Variants in TRIOBP observed in about 807,000 individuals in gnomAD.
The protein encoded by TRIOBP is TRIO and F-actin binding protein.
TRIOBP carries 169 observed loss-of-function variants against 238.8 expected under a neutral mutation model. The observed-to-expected ratio is 0.71, with a 90% CI of 0.62 to 0.80. The LOEUF (loss-of-function observed/expected upper bound fraction) is 0.80, where lower values mean the gene tolerates loss of function less well. Ranked by LOEUF, TRIOBP falls within the 30% of genes least tolerant of loss-of-function variation. TRIOBP has a pLI of 0.00. For missense variants in TRIOBP, 2,838 were observed against 3,122.6 expected, an observed-to-expected ratio of 0.91 and a Z score of 2.17; for synonymous variants, 1,150 against 1,274.4, an observed-to-expected ratio of 0.90 and a Z score of 2.08.
rs567335682 is a variant in TRIOBP, at chr22:37,703,036, G to A, written c.114+1557G>A. On this transcript the variant is annotated intron_variant, in intron 3 of 23. Transcript: ENST00000644935. ...ATTTGAGACGGAGTCTCTCTCTGTC[G>A]CCAGGCTAGAGTTCAGTGGCTCAAT... Among the ~76,000 whole-genome samples, 322 of 150,820 alleles carry A rather than the reference G, an allele frequency of 2.1e-3. 3 individuals carry two copies. In the South Asian group the frequency reaches 0.028, roughly 13 times the overall value.
At chr22:37,710,060 A>G (rs1300754373) in intron 3 of TRIOBP, among the ~76,000 whole-genome samples, 1 of 152,224 alleles carries the variant, frequency 6.6e-6, no homozygotes, top group African/African-American at 2.4e-5. Context: ...GCATGTATAC[A>G]TGAAGTTGCA....
At chr22:37,755,682 G>C (rs761085777) in intron 15 of TRIOBP, 23 bp downstream of exon 15, 4 of 1,610,194 alleles carry the variant, frequency 2.5e-6, no homozygotes, top group Non-Finnish European at 2.5e-6. Flanking sequence ...CTGGACTGGG[G>C]CCTTGAGGGA....
At chr22:37,755,944 TG>T (rs1925898117) in intron 15 of TRIOBP, among the ~76,000 whole-genome samples, 1 of 152,124 alleles carries the variant, frequency 6.6e-6, no homozygotes, top group African/African-American at 2.4e-5. Context: ...GTCTGTGCCG[TG>T]GGGGCCGTGT....
intron 6 of TRIOBP, among the ~76,000 whole-genome samples, chr22:37,721,748 TG>T (rs1419040558): frequency 6.6e-6 from 1 of 152,224 alleles, no homozygotes; most frequent in Non-Finnish European, 1.5e-5. Context: ...CTCAAAGTGC[TG>T]GGATTACAGG....
chr22:37,743,801 A>ATGTGTGTGTGTGTGTGTGTG (rs71195050), intron 11 of TRIOBP, among the ~76,000 whole-genome samples: 35 of 114,098 alleles, frequency 3.1e-4, no homozygotes, highest in African/African-American at 6.9e-4. Context: ...GAGAGAGAGA[A>ATGTGTGTGTGTGTGTGTGTG]TGTGTGTGTG....
rs143951029 is a variant in TRIOBP at position 37,733,058 on chromosome 22, C to T, written c.3948-240C>T. ...CCTCCCCACCCAACCGCCTCTACTCCCCACTTTTCTCGTCATGTTCGCAAG... is the reference window on the plus strand; with the variant it reads ...CCTCCCCACCCAACCGCCTCTACTCTCCACTTTTCTCGTCATGTTCGCAAG... On this transcript the variant is annotated intron_variant, in intron 7 of 23. Coordinates refer to ENST00000644935, the MANE Select transcript of TRIOBP (RefSeq NM_001039141.3). 7.1e-3 allele frequency among the ~76,000 whole-genome samples: 1,078 copies of T among 152,346 alleles called. 6 individuals are homozygous for T. The highest frequency in any genetic ancestry group is 0.011 in the Non-Finnish European group (744 of 68,034).
intron 8 of TRIOBP, among the ~76,000 whole-genome samples, chr22:37,733,910 G>A (rs1394762243): frequency 2.0e-5 from 3 of 152,102 alleles, no homozygotes; most frequent in Non-Finnish European, 2.9e-5. Flanking sequence ...CAAGTGATCC[G>A]CCCACCTTGG....
chr22:37,771,935 A>T (rs1262558983), intron 22 of TRIOBP, 199 bp downstream of exon 22: 2 of 691,420 alleles, frequency 2.9e-6, no homozygotes, highest in South Asian at 3.0e-5. Flanking sequence ...TGACTTCCCC[A>T]AGGCTGTACT....
In TRIOBP at chr22:37,718,526, A is replaced by G. The variant is rs558291105; in HGVS notation, c.628+2592A>G. On this transcript the variant is annotated intron_variant, in intron 6 of 23. Transcript: ENST00000644935. The stretch of plus-strand genomic sequence containing the variant: ...CATCCCCAGAGTGGGGCAAACCAAC[A>G]TAATATGCCCCCTGATATGATGCAT... Among the ~76,000 whole-genome samples, 4 of 148,654 alleles carry G rather than the reference A, an allele frequency of 2.7e-5. No homozygotes were observed. The East Asian group carries it at 8.3e-4, about 31-fold the overall frequency.
At chr22:37,704,198 A>G (rs1397791468) in intron 3 of TRIOBP, among the ~76,000 whole-genome samples, 3 of 152,068 alleles carry the variant, frequency 2.0e-5, no homozygotes, top group Non-Finnish European at 2.9e-5. Flanking sequence ...TCCTGGCAAC[A>G]TGGCAAAACC....
intron 4 of TRIOBP, among the ~76,000 whole-genome samples, chr22:37,712,925 C>A (rs1923327984): frequency 6.6e-6 from 1 of 150,574 alleles, no homozygotes; most frequent in African/African-American, 2.4e-5. Context: ...CCACTGCACT[C>A]CAGCCTGGGT....
At chr22:37,747,541 C>A in intron 11 of TRIOBP, among the ~76,000 whole-genome samples, 1 of 152,200 alleles carries the variant, frequency 6.6e-6, no homozygotes, top group Non-Finnish European at 1.5e-5. Flanking sequence ...ACTTCCTCGG[C>A]GTCCTCCTGG....
intron 3 of TRIOBP, among the ~76,000 whole-genome samples, chr22:37,702,761 C>T (rs1048666519): frequency 2.1e-4 from 31 of 150,844 alleles, no homozygotes; most frequent in African/African-American, 7.3e-4. Flanking sequence ...ATGATCTTCC[C>T]ACCTTGGCCT....
At chr22:37,772,028 G>C in intron 22 of TRIOBP, 1 of 463,424 alleles carries the variant, frequency 2.2e-6, no homozygotes, top group Non-Finnish European at 4.0e-6. Flanking sequence ...CTAGGTGCTG[G>C]GAAGACAGAT....
rs545806409 is a variant in TRIOBP at position 37,771,919 on chromosome 22, G to A, written c.6936+183G>A. 22 of 703,614 alleles carry A rather than the reference G, an allele frequency of 3.1e-5. No individual in the cohort carries two copies. The South Asian group carries it at 3.1e-4, about 10-fold the overall frequency. 43.6% of individuals were successfully genotyped at this position (703,614 alleles called of 1,614,324 possible). ...GACAGGGAAACTGAGACTAAGAAAG[G>A]GGAAGTGACTTCCCCAAGGCTGTAC... On this transcript the variant is annotated intron_variant, in intron 22 of 23. Transcript: ENST00000644935.
chr22:37,723,599 G>A lies in TRIOBP; in HGVS notation c.1043G>A (p.Ser348Asn). 1 of 1,613,892 alleles carries A rather than the reference G, an allele frequency of 6.2e-7. No individual in the cohort carries two copies. Among genetic ancestry groups the A allele is most frequent in the Non-Finnish European group, 8.5e-7 (1 of 1,179,962 alleles). Residue 348 changes from serine to asparagine, a missense_variant, in exon 7 of 24, where the codon AGC becomes AAC. Physicochemically the swap from Ser to Asn is conservative, Grantham distance 46. Transcript: ENST00000644935. ...NTPRASSPSR[S>N]TQLDNPRTSS... is the part of the protein sequence containing the mutation. ...CCCAGAGCTTCCTCTCCCTCACGAA[G>A]CACCCAACTGGATAACCCCAGAACC...
Position 37,724,398 on chromosome 22 carries a change from C to T in TRIOBP, c.1842C>T (p.Ser614=), listed in dbSNP as rs1924000749. ...ACAATCCCAGAGCCTCCAGAACCTCCTCTCCCAATAGAGCCACACGAGATA... is the reference window on the plus strand; with the variant it reads ...ACAATCCCAGAGCCTCCAGAACCTCTTCTCCCAATAGAGCCACACGAGATA... ...QRDNPRASRT[S]SPNRATRDNP... The change falls in exon 7 of 24, where the codon TCC becomes TCT. Residue 614 remains serine (S), a synonymous_variant. Coordinates refer to ENST00000644935, the MANE Select transcript of TRIOBP (RefSeq NM_001039141.3). 6.0e-6 allele frequency: 9 copies of T among 1,504,480 alleles called. No individual in the cohort carries two copies. The highest frequency in any genetic ancestry group is 1.4e-5 in the African/African-American group (1 of 69,238). The allele number at this position is 1,504,480 out of a possible 1,614,324, so 93.2% of individuals were successfully genotyped here.
chr22:37,765,827 C>CCG lies in TRIOBP; in HGVS notation c.6472+10_6472+11insCG. The CCG allele has an allele frequency of 6.6e-7, 1 of 1,509,196 alleles. No individual in the cohort carries two copies. Among genetic ancestry groups the CCG allele is most frequent in the East Asian group, 2.4e-5 (1 of 41,126 alleles). 93.5% of individuals were successfully genotyped at this position (1,509,196 alleles called of 1,614,324 possible). On this transcript the variant is annotated intron_variant, in intron 18 of 23. Transcript: ENST00000644935. ...GCAGCCACGGCCTCAGGTATGGACCCTGGGGGGGGCACAGTGGGCTGGGCT... is the reference window on the plus strand; with the variant it reads ...GCAGCCACGGCCTCAGGTATGGACCCCGTGGGGGGGGCACAGTGGGCTGGGCT...
chr22:37,774,700 T>C lies in TRIOBP; in HGVS notation c.*920T>C, dbSNP rs1926953228. The C allele has an allele frequency of 6.6e-6, 1 of 152,266 alleles. No individual in the cohort carries two copies. The highest frequency in any genetic ancestry group is 1.5e-5 in the Non-Finnish European group (1 of 68,088). 9.4% of individuals were successfully genotyped at this position (152,266 alleles called of 1,614,324 possible). On this transcript the variant is annotated 3_prime_UTR_variant, in exon 24 of 24. Transcript: ENST00000644935. ...GCCCCCAGTGTGGCTTGCAGGCTAG[T>C]GGCAGCGGAAGCATGTGGGAAATAG...
Sources: gnomAD v4.1 joint callset for allele counts (sites outside exome capture counted in the v4.1 genomes callset) on GRCh38, gnomAD v4.1.1 for gene constraint, MANE v1.5 for transcripts, NCBI Gene and HGNC (gene_info 2026-07-23, HGNC 2026-07-21) for gene names.